ACADSB: variants seen among roughly 807,000 people sequenced by gnomAD.
The protein encoded by ACADSB is short/branched chain specific acyl-CoA dehydrogenase, mitochondrial.
In ACADSB, 40 loss-of-function variants were observed where a neutral mutation model predicts 54.1. The ratio of observed to expected loss-of-function variants is 0.74; its 90% CI spans 0.57 to 0.96. ACADSB has a LOEUF of 0.96. Ranked by LOEUF, ACADSB falls within the 40% of genes least tolerant of loss-of-function variation. The pLI, the probability that ACADSB is intolerant of heterozygous loss-of-function variation, is 0.00. For missense variants in ACADSB, 530 were observed against 510.4 expected (o/e 1.04, Z -0.37); for synonymous variants, 182 against 182.8 (o/e 1.00, Z 0.03).
chr10:123,045,144 TATATATATATATATATATATATA>T lies in ACADSB; in HGVS notation c.900+660_900+682del, dbSNP rs1564752852. 4.4e-4 allele frequency among the ~76,000 whole-genome samples: 6 copies of T among 13,566 alleles called. 1 individual carries two copies. The highest frequency in any genetic ancestry group is 5.6e-4 in the Non-Finnish European group (4 of 7,194). The allele number at this position is 13,566 out of a possible 152,430, so 8.9% of individuals were successfully genotyped here. A position where few individuals can be genotyped will look rare whatever the true frequency, so the allele number is the denominator to read the frequency against. Reference sequence around the variant, plus strand: ...GTTTTGTAGAGTGTATATATATATATATATATATATATATATATATATATATATTTTTTTTTTTTTTTTTTTTT... The same window carrying T: ...GTTTTGTAGAGTGTATATATATATATTATATTTTTTTTTTTTTTTTTTTTT... On this transcript the variant is annotated intron_variant, in intron 7 of 10. Coordinates refer to ENST00000358776, the MANE Select transcript of ACADSB (RefSeq NM_001609.4).
chr10:123,051,256 T>G, intron 9 of ACADSB, 70 bp downstream of exon 9: 1 of 1,406,580 alleles, frequency 7.1e-7, no homozygotes, highest in Non-Finnish European at 9.4e-7. Flanking sequence ...ATATACTTAT[T>G]AACATTTTCT....
At chr10:123,016,043 G>C (rs1451362601) in intron 1 of ACADSB, among the ~76,000 whole-genome samples, 1 of 152,182 alleles carries the variant, frequency 6.6e-6, no homozygotes, top group African/African-American at 2.4e-5. Context: ...GGCAAAGATT[G>C]GGACATCTGG....
Position 123,040,568 on chromosome 10 carries a change from G to C in ACADSB, c.406G>C (p.Ala136Pro), listed in dbSNP as rs750120288. 1 of 1,614,000 alleles carries C rather than the reference G, an allele frequency of 6.2e-7. No individual in the cohort carries two copies. Among genetic ancestry groups the C allele is most frequent in the Non-Finnish European group, 8.5e-7 (1 of 1,179,946 alleles). Residue 136 changes from alanine (A) to proline (P), a missense_variant, in exon 4 of 11, where the codon GCT becomes CCT. Transcript: ENST00000358776. Reference protein sequence around the residue: ...EELAKVDASVAVFCEIQNTLI... With the variant: ...EELAKVDASVPVFCEIQNTLI... ...ATTAGCCAAAGTTGATGCATCTGTGGCTGTCTTTTGTGAGATCCAGAACAC... is the reference window on the plus strand; with the variant it reads ...ATTAGCCAAAGTTGATGCATCTGTGCCTGTCTTTTGTGAGATCCAGAACAC...
intron 8 of ACADSB, among the ~76,000 whole-genome samples, chr10:123,050,060 A>G (rs886737525): frequency 2.0e-4 from 30 of 152,226 alleles, no homozygotes; most frequent in African/African-American, 7.0e-4. Flanking sequence ...CTTTTTGTAC[A>G]TACGAAATTG....
chr10:123,043,737 T>C (rs1850510157), intron 6 of ACADSB, among the ~76,000 whole-genome samples: 1 of 152,192 alleles, frequency 6.6e-6, no homozygotes. Flanking sequence ...CACTGGGGCC[T>C]CATTACTTCA....
chr10:123,024,960 C>A (rs1005453469), intron 1 of ACADSB, among the ~76,000 whole-genome samples: 10 of 152,126 alleles, frequency 6.6e-5, no homozygotes, highest in African/African-American at 2.4e-4. Context: ...GCCTCCAGAC[C>A]CTATTTCCTG....
At chr10:123,045,974 G>T (rs1311130619) in intron 7 of ACADSB, among the ~76,000 whole-genome samples, 1 of 152,222 alleles carries the variant, frequency 6.6e-6, no homozygotes, top group Non-Finnish European at 1.5e-5. Context: ...CAGGCAGAGA[G>T]AATTCAGTTT....
rs1034758091 is a variant in ACADSB at position 123,053,009 on chromosome 10, T to A, written c.1129-52T>A. On this transcript the variant is annotated intron_variant, in intron 9 of 10. Transcript: ENST00000358776. ...TGAAAATGTTACCCAGAAGTGTTTA[T>A]CATGTATAAGTTATGTGGTTTCAGT... is the stretch of plus-strand genomic sequence containing the variant. The A allele has an allele frequency of 9.4e-5, 132 of 1,406,540 alleles. 1 individual carries two copies. Among genetic ancestry groups the A allele is most frequent in the Admixed American group, 1.8e-4 (11 of 59,710 alleles). The allele number at this position is 1,406,540 out of a possible 1,614,324, so 87.1% of individuals were successfully genotyped here.
intron 7 of ACADSB, among the ~76,000 whole-genome samples, chr10:123,045,154 T>TAGATATATATATAG (rs1850538755): frequency 4.7e-4 from 6 of 12,778 alleles, no homozygotes; most frequent in African/African-American, 1.5e-3. Context: ...TATATATATA[T>TAGATATATATATAG]ATATATATAT....
At chr10:123,030,693 G>C (rs1850315012) in intron 1 of ACADSB, among the ~76,000 whole-genome samples, 1 of 152,108 alleles carries the variant, frequency 6.6e-6, no homozygotes, top group Non-Finnish European at 1.5e-5. Context: ...TAGGTTTAAA[G>C]CACTTTAAGA....
chr10:123,057,631 C>G lies in ACADSB; in HGVS notation c.*3866C>G, dbSNP rs937307415. 6.6e-6 allele frequency: 1 copy of G among 152,110 alleles called. No homozygotes were observed. Among genetic ancestry groups the G allele is most frequent in the Non-Finnish European group, 1.5e-5 (1 of 68,020 alleles). The allele number at this position is 152,110 out of a possible 1,614,324, so 9.4% of individuals were successfully genotyped here. A position where few individuals can be genotyped will look rare whatever the true frequency, so the allele number is the denominator to read the frequency against. ...GTGTGTGGGTGGCACTGGATTCCACCCAACTGCCAAGTTAGTATTGTTAGA... is the reference window on the plus strand; with the variant it reads ...GTGTGTGGGTGGCACTGGATTCCACGCAACTGCCAAGTTAGTATTGTTAGA... On this transcript the variant is annotated 3_prime_UTR_variant, in exon 11 of 11. Transcript: ENST00000358776.
intron 1 of ACADSB, among the ~76,000 whole-genome samples, chr10:123,014,777 C>T (rs1216504149): frequency 2.0e-5 from 3 of 152,152 alleles, no homozygotes; most frequent in African/African-American, 7.2e-5. Context: ...AGTGACCATT[C>T]AAAGGAGCAG....
At chr10:123,011,527 CTT>C (rs35312878) in intron 1 of ACADSB, among the ~76,000 whole-genome samples, 22 of 139,280 alleles carry the variant, frequency 1.6e-4, no homozygotes, top group East Asian at 4.2e-4. Context: ...AGCTTGATAT[CTT>C]TTTTTTTTTT....
In ACADSB at chr10:123,012,069, TG is replaced by T. The variant is rs1850043752; in HGVS notation, c.42+3000del. ...TCTCACTGTGTTGGCCAGGCTGGTC[TG>T]GAACTCCTGGCCTCAAGCGATCCTC... On this transcript the variant is annotated intron_variant, in intron 1 of 10. Transcript: ENST00000358776. 4.0e-5 allele frequency among the ~76,000 whole-genome samples: 6 copies of T among 151,460 alleles called. No homozygotes were observed. The South Asian group carries it at 1.0e-3, about 26-fold the overall frequency.
Position 123,023,747 on chromosome 10 carries a change from A to G in ACADSB, c.43-10609A>G, listed in dbSNP as rs571432280. ...CAGGCCCCCTGCTTAGAACAGCAGC[A>G]CAAAAGCCTGGGTACATGCAATTCC... On this transcript the variant is annotated intron_variant, in intron 1 of 10. Coordinates refer to ENST00000358776, the MANE Select transcript of ACADSB (RefSeq NM_001609.4). Among the ~76,000 whole-genome samples the G allele has an allele frequency of 2.7e-3, 415 of 152,332 alleles. 1 individual carries two copies. Among genetic ancestry groups the G allele is most frequent in the African/African-American group, 9.4e-3 (391 of 41,580 alleles).
At chr10:123,039,534 C>T (rs1290103168) in intron 3 of ACADSB, among the ~76,000 whole-genome samples, 1 of 152,192 alleles carries the variant, frequency 6.6e-6, no homozygotes, top group African/African-American at 2.4e-5. Flanking sequence ...GGCCCTCGTG[C>T]TTTGGCTAGT....
In ACADSB at chr10:123,025,922, G is replaced by A. The variant is rs183424243; in HGVS notation, c.43-8434G>A. On this transcript the variant is annotated intron_variant, in intron 1 of 10. Coordinates refer to ENST00000358776, the MANE Select transcript of ACADSB (RefSeq NM_001609.4). ...CTAAAAATACAAAAATTAGCCAGGC[G>A]TGGTGGTGTGCACCTGTAATCCCAG... is the stretch of plus-strand genomic sequence containing the variant. Among the ~76,000 whole-genome samples, 174 of 152,162 alleles carry A rather than the reference G, an allele frequency of 1.1e-3. 3 individuals carry two copies. In the East Asian group the frequency reaches 0.012, roughly 10 times the overall value.
intron 1 of ACADSB, among the ~76,000 whole-genome samples, chr10:123,030,449 C>A (rs1850310041): frequency 6.6e-6 from 1 of 151,274 alleles, no homozygotes; most frequent in East Asian, 2.0e-4. Flanking sequence ...ATTGCTTGAA[C>A]CTGGGAGGCT....
rs1039950953 is a variant in ACADSB at position 123,054,896 on chromosome 10, A to G, written c.*1131A>G. On this transcript the variant is annotated 3_prime_UTR_variant, in exon 11 of 11. Transcript: ENST00000358776. ...TCTTCAGTCATGGTTATTGCACTTT[A>G]TCCTGAATAATAATTCAGAAATTGG... 1 of 152,210 alleles carries G rather than the reference A, an allele frequency of 6.6e-6. No homozygotes were observed. Among genetic ancestry groups the G allele is most frequent in the Non-Finnish European group, 1.5e-5 (1 of 68,042 alleles). The allele number at this position is 152,210 out of a possible 1,614,324, so 9.4% of individuals were successfully genotyped here.
Sources: gnomAD v4.1 joint callset for allele counts (sites outside exome capture counted in the v4.1 genomes callset) on GRCh38, gnomAD v4.1.1 for gene constraint, MANE v1.5 for transcripts, NCBI Gene and HGNC (gene_info 2026-07-23, HGNC 2026-07-21) for gene names.